TUT4: variants seen among roughly 807,000 people sequenced by gnomAD.
The protein encoded by TUT4 is terminal uridylyl transferase 4.
A neutral mutation model predicts 192.2 loss-of-function variants in TUT4; 36 were observed. The ratio of observed to expected loss-of-function variants is 0.19; its 90% CI spans 0.14 to 0.25. TUT4 has a LOEUF of 0.25. Among genes scored for constraint, TUT4 ranks in the 10% least tolerant of loss-of-function variants. TUT4 has a pLI of 1.00. For missense variants in TUT4, 1,493 were observed against 1,957.2 expected (o/e 0.76, Z 4.47); for synonymous variants, 618 against 666.0 (o/e 0.93, Z 1.11).
intron 1 of TUT4, among the ~76,000 whole-genome samples, chr1:52,549,500 C>G (rs1490108983): frequency 1.3e-5 from 2 of 152,138 alleles, no homozygotes; most frequent in African/African-American, 4.8e-5. Flanking sequence ...TTTCTTCCCT[C>G]TCAACTCCCA....
At chr1:52,498,324 C>A (rs1251014567) in intron 4 of TUT4, among the ~76,000 whole-genome samples, 1 of 147,156 alleles carries the variant, frequency 6.8e-6, no homozygotes, top group Non-Finnish European at 1.5e-5. Flanking sequence ...TCACTGCAGG[C>A]TCCGCCCCCC....
chr1:52,453,092 A>G (rs1659906989), intron 20 of TUT4, among the ~76,000 whole-genome samples: 1 of 152,146 alleles, frequency 6.6e-6, no homozygotes, highest in Admixed American at 6.6e-5. Context: ...GAATAGAAAA[A>G]ACATTTTGGG....
chr1:52,520,138 T>C (rs1679850757), intron 2 of TUT4, among the ~76,000 whole-genome samples: 3 of 152,112 alleles, frequency 2.0e-5, no homozygotes, highest in South Asian at 2.1e-4. Flanking sequence ...ATCTTCTCAG[T>C]TGAGGAAATT....
At chr1:52,452,591 A>C (rs1383538669) in intron 20 of TUT4, among the ~76,000 whole-genome samples, 1 of 152,160 alleles carries the variant, frequency 6.6e-6, no homozygotes, top group African/African-American at 2.4e-5. Flanking sequence ...CCTCCATAAA[A>C]ACCCAAAGGT....
intron 14 of TUT4, among the ~76,000 whole-genome samples, chr1:52,471,603 C>T (rs1270366450): frequency 6.6e-6 from 1 of 152,158 alleles, no homozygotes; most frequent in Non-Finnish European, 1.5e-5. Context: ...CCACATGTAG[C>T]TACTGAGTAC....
At chr1:52,468,364 G>C (rs1664803096) in intron 14 of TUT4, 97 bp from the exon 15 acceptor site, 2 of 887,816 alleles carry the variant, frequency 2.3e-6, no homozygotes, top group African/African-American at 1.7e-5. Flanking sequence ...TTTACTTACA[G>C]TTTGTTCATT....
At chr1:52,544,994 C>T (rs998387325) in intron 1 of TUT4, among the ~76,000 whole-genome samples, 2 of 150,464 alleles carry the variant, frequency 1.3e-5, no homozygotes, top group Non-Finnish European at 2.9e-5. Flanking sequence ...GAGGTCAAGG[C>T]TGCACTGAGC....
chr1:52,453,187 C>G (rs560543506), intron 20 of TUT4, among the ~76,000 whole-genome samples: 3 of 152,164 alleles, frequency 2.0e-5, no homozygotes, highest in South Asian at 4.2e-4. Context: ...GAGTTCGAGA[C>G]TAGCCTGCGT....
At chr1:52,426,036 A>G (rs1294626662) in intron 28 of TUT4, among the ~76,000 whole-genome samples, 1 of 152,198 alleles carries the variant, frequency 6.6e-6, no homozygotes, top group African/African-American at 2.4e-5. Flanking sequence ...TACATTTCAA[A>G]AAACCTTAGT....
chr1:52,548,766 T>C (rs966193141), intron 1 of TUT4, among the ~76,000 whole-genome samples: 1 of 152,240 alleles, frequency 6.6e-6, no homozygotes, highest in Non-Finnish European at 1.5e-5. Context: ...ACCTATTTCT[T>C]TTTAAAAGTA....
chr1:52,423,865 T>TA lies in TUT4; in HGVS notation c.*69dup. 6.3e-7 allele frequency: 1 copy of TA among 1,584,062 alleles called. No homozygotes were observed. The highest frequency in any genetic ancestry group is 8.6e-7 in the Non-Finnish European group (1 of 1,165,082). On this transcript the variant is annotated 3_prime_UTR_variant, in exon 30 of 30. Coordinates refer to ENST00000257177, the MANE Select transcript of TUT4 (RefSeq NM_001009881.3). ...AATGTAACTGACATTGAGGTACGGA[T>TA]ACCCTTGAGACAGCAGGATTGGCTG...
intron 3 of TUT4, among the ~76,000 whole-genome samples, 189 bp from the exon 4 acceptor site, chr1:52,509,901 T>C (rs533641560): frequency 3.3e-4 from 51 of 152,310 alleles, no homozygotes; most frequent in Non-Finnish European, 4.3e-4. Context: ...GTAGTCCTTT[T>C]TCAAAATAGT....
rs1343862062 is a variant in TUT4, at chr1:52,465,056, C to T, written c.3069+14G>A. Reference sequence around the variant, plus strand: ...AGAAAATAAACTTACATAACGCTTTCCAAACACTCTTACCTCTGCATTTTC... The same window carrying T: ...AGAAAATAAACTTACATAACGCTTTTCAAACACTCTTACCTCTGCATTTTC... On this transcript the variant is annotated intron_variant, in intron 16 of 29. Coordinates refer to ENST00000257177, the MANE Select transcript of TUT4 (RefSeq NM_001009881.3). 1 of 1,580,174 alleles carries T rather than the reference C, an allele frequency of 6.3e-7. No homozygotes were observed.
intron 3 of TUT4, among the ~76,000 whole-genome samples, chr1:52,513,961 T>C (rs1042106478): frequency 1.6e-4 from 24 of 152,330 alleles, no homozygotes; most frequent in African/African-American, 5.5e-4. Context: ...AAATCTGCTA[T>C]GTATTAAGTA....
At chr1:52,462,116 C>T (rs1662728116) in intron 16 of TUT4, 1 of 176,286 alleles carries the variant, frequency 5.7e-6, no homozygotes, top group African/African-American at 2.5e-5. Flanking sequence ...TTGGTGAGGG[C>T]AAAACAATAT....
At chr1:52,442,450 TGAAA>T (rs1217884571) in intron 24 of TUT4, among the ~76,000 whole-genome samples, 2 of 152,164 alleles carry the variant, frequency 1.3e-5, no homozygotes, top group African/African-American at 4.8e-5. Context: ...AGTATAAGCA[TGAAA>T]GACTATGTAC....
chr1:52,451,443 A>G (rs778766816), intron 20 of TUT4, among the ~76,000 whole-genome samples: 26 of 152,342 alleles, frequency 1.7e-4, no homozygotes, highest in Middle Eastern at 3.4e-3. Flanking sequence ...AACAACAGAA[A>G]TGAAAGAGGG....
intron 3 of TUT4, among the ~76,000 whole-genome samples, chr1:52,510,206 G>A (rs1557895621): frequency 6.6e-6 from 1 of 151,600 alleles, no homozygotes; most frequent in Non-Finnish European, 1.5e-5. Flanking sequence ...CAGCTACTCT[G>A]GTGGCTGAGG....
intron 16 of TUT4, among the ~76,000 whole-genome samples, chr1:52,464,125 C>T (rs1398497038): frequency 1.3e-5 from 2 of 152,092 alleles, no homozygotes; most frequent in East Asian, 3.8e-4. Context: ...ATAATACCTA[C>T]CTCGAAGGTG....
Sources: gnomAD v4.1 joint callset for allele counts (sites outside exome capture counted in the v4.1 genomes callset) on GRCh38, gnomAD v4.1.1 for gene constraint, MANE v1.5 for transcripts, NCBI Gene and HGNC (gene_info 2026-07-23, HGNC 2026-07-21) for gene names.